Variants in BACH1 observed in about 807,000 individuals in gnomAD.
BACH1 encodes BTB domain and CNC homolog 1.
Under a neutral mutation model 52.9 loss-of-function variants are expected in BACH1, and 35 were observed. That is an observed-to-expected ratio of 0.66 (90% confidence interval 0.51 to 0.88). The LOEUF is 0.88. BACH1 is among the 40% of genes least tolerant of loss of function. The pLI is 0.00. For synonymous variants in BACH1, 321 were observed against 319.6 expected (o/e 1.00, Z -0.05); for missense variants, 808 against 872.6 (o/e 0.93, Z 0.93).
chr21:29,341,462 A>G (rs1386944367), intron 4 of BACH1, among the ~76,000 whole-genome samples: 1 of 152,240 alleles, frequency 6.6e-6, no homozygotes, highest in Admixed American at 6.5e-5. Flanking sequence ...ATTAGAAGCA[A>G]TAAGATGTTA....
At chr21:29,319,959 T>C (rs1479736692) in intron 1 of BACH1, among the ~76,000 whole-genome samples, 1 of 152,118 alleles carries the variant, frequency 6.6e-6, no homozygotes, top group Non-Finnish European at 1.5e-5. Flanking sequence ...TAAAAATAAA[T>C]TTATATTCTC....
chr21:29,306,527 T>C (rs992099552), intron 1 of BACH1, among the ~76,000 whole-genome samples: 6 of 152,246 alleles, frequency 3.9e-5, no homozygotes, highest in Admixed American at 2.6e-4. Flanking sequence ...ACCGCTGTGA[T>C]TGGCATAAAT....
chr21:29,333,225 A>T (rs1244484082), intron 4 of BACH1, among the ~76,000 whole-genome samples: 1 of 152,246 alleles, frequency 6.6e-6, no homozygotes, highest in Non-Finnish European at 1.5e-5. Flanking sequence ...TTATTATGGT[A>T]AGAAGTTTAC....
chr21:29,325,051 AC>A (rs2088894126), intron 2 of BACH1, among the ~76,000 whole-genome samples: 1 of 151,778 alleles, frequency 6.6e-6, no homozygotes, highest in South Asian at 2.1e-4. Flanking sequence ...ACGTGGTGAA[AC>A]CCCCGTCTCT....
intron 2 of BACH1, among the ~76,000 whole-genome samples, chr21:29,323,529 T>G (rs2088873638): frequency 6.6e-6 from 1 of 152,088 alleles, no homozygotes; most frequent in Non-Finnish European, 1.5e-5. Flanking sequence ...CTATCCCACC[T>G]TTTTCCTCCT....
Position 29,311,354 on chromosome 21 carries a change from A to G in BACH1, c.-60-9867A>G, listed in dbSNP as rs139462240. ...CATTTACATTTAACTAAATTTTGCT[A>G]CTTTTGTTTACTATCTATTTAAACA... On this transcript the variant is annotated intron_variant, in intron 1 of 4. Transcript: ENST00000286800. Among the ~76,000 whole-genome samples the G allele has an allele frequency of 3.6e-3, 553 of 152,210 alleles. 5 individuals carry two copies. The highest frequency in any genetic ancestry group is 0.013 in the African/African-American group (529 of 41,528).
chr21:29,353,552 C>T (rs1281867479), intron 2 of BACH1, among the ~76,000 whole-genome samples: 2 of 152,130 alleles, frequency 1.3e-5, no homozygotes, highest in African/African-American at 4.8e-5. Flanking sequence ...AGGAACTGGC[C>T]AAGAAGTGTT....
chr21:29,348,281 T>G (rs868490706), downstream of BACH1, among the ~76,000 whole-genome samples: 2 of 152,042 alleles, frequency 1.3e-5, no homozygotes, highest in South Asian at 4.1e-4. Context: ...GCTGAGTCTC[T>G]GATGTGCTCA....
chr21:29,338,946 A>G (rs1262423419), intron 4 of BACH1, among the ~76,000 whole-genome samples: 1 of 152,106 alleles, frequency 6.6e-6, no homozygotes, highest in Admixed American at 6.5e-5. Flanking sequence ...TTTTAAACTT[A>G]AGAATTGATT....
At chr21:29,302,892 C>T (rs1432432545) in intron 1 of BACH1, among the ~76,000 whole-genome samples, 5 of 152,200 alleles carry the variant, frequency 3.3e-5, no homozygotes, top group Non-Finnish European at 7.3e-5. Context: ...TAGCTTTTTA[C>T]TTAAAGGAAT....
chr21:29,311,733 T>G (rs2088726055), intron 1 of BACH1, among the ~76,000 whole-genome samples: 1 of 152,180 alleles, frequency 6.6e-6, no homozygotes, highest in Non-Finnish European at 1.5e-5. Flanking sequence ...TTCTATTTCT[T>G]TTTCTTGTCT....
At chr21:29,359,205 C>G (rs1405388016) in intron 2 of BACH1, 3 of 151,960 alleles carry the variant, frequency 2.0e-5, no homozygotes, top group African/African-American at 7.3e-5. Flanking sequence ...TCTACTCAAA[C>G]TAAGATTTGA....
intron 1 of BACH1, among the ~76,000 whole-genome samples, chr21:29,318,158 CTT>C (rs1027557092): frequency 1.5e-4 from 23 of 152,076 alleles, no homozygotes; most frequent in African/African-American, 5.3e-4. Flanking sequence ...ATATGTGAAA[CTT>C]TATTTTATGT....
chr21:29,354,492 C>A (rs959809964), intron 2 of BACH1, among the ~76,000 whole-genome samples: 1 of 151,954 alleles, frequency 6.6e-6, no homozygotes, highest in Non-Finnish European at 1.5e-5. Flanking sequence ...TGGACTGGAC[C>A]AGGGATGTGT....
intron 4 of BACH1, among the ~76,000 whole-genome samples, chr21:29,334,110 T>C (rs147692644): frequency 6.6e-6 from 1 of 151,780 alleles, no homozygotes; most frequent in Non-Finnish European, 1.5e-5. Flanking sequence ...TTATTTTTTT[T>C]ATTTTTTTTT....
intron 4 of BACH1, among the ~76,000 whole-genome samples, chr21:29,342,082 A>G (rs752991571): frequency 1.3e-5 from 2 of 152,120 alleles, no homozygotes; most frequent in Non-Finnish European, 2.9e-5. Context: ...ATTATTTGCT[A>G]TTTTAATGTT....
chr21:29,305,147 A>G (rs1569005894), intron 1 of BACH1: 1 of 148,614 alleles, frequency 6.7e-6, no homozygotes, highest in Non-Finnish European at 1.5e-5. Context: ...AAGAGGTAAG[A>G]AAAAAAAAAG....
At chr21:29,333,369 T>G (rs1241410516) in intron 4 of BACH1, among the ~76,000 whole-genome samples, 1 of 152,222 alleles carries the variant, frequency 6.6e-6, no homozygotes, top group Non-Finnish European at 1.5e-5. Flanking sequence ...CAGATATTTG[T>G]GTATATTTTA....
At chr21:29,356,702 T>C (rs2089236597) in intron 2 of BACH1, among the ~76,000 whole-genome samples, 1 of 152,284 alleles carries the variant, frequency 6.6e-6, no homozygotes, top group Non-Finnish European at 1.5e-5. Flanking sequence ...TTCAGTGCTT[T>C]CGGGCTACGC....
Sources: allele counts gnomAD v4.1 joint callset (sites outside exome capture counted in the v4.1 genomes callset), GRCh38; gene constraint gnomAD v4.1.1; transcripts MANE v1.5; gene names NCBI Gene and HGNC (gene_info 2026-07-23, HGNC 2026-07-21).